SNTG2: variants seen among roughly 807,000 people sequenced by gnomAD.
SNTG2 encodes gamma-2-syntrophin.
A neutral mutation model predicts 70.9 loss-of-function variants in SNTG2; 74 were observed. That is an observed-to-expected ratio of 1.04 (90% CI 0.86 to 1.27). The LOEUF (loss-of-function observed/expected upper bound fraction) is 1.27. Ranked by LOEUF, SNTG2 falls within the 50% of genes most tolerant of loss-of-function variation. SNTG2 has a pLI of 0.00. For synonymous variants in SNTG2, 278 were observed against 273.8 expected, an observed-to-expected ratio of 1.02 and a Z score of -0.15; for missense variants, 717 against 690.7, an observed-to-expected ratio of 1.04 and a Z score of -0.43.
In SNTG2 at chr2:1,176,871, C is replaced by G. The variant is rs186856868; in HGVS notation, c.591+3688C>G. 1.4e-3 allele frequency among the ~76,000 whole-genome samples: 211 copies of G among 152,180 alleles called. 2 individuals are homozygous for G. The highest frequency in any genetic ancestry group is 5.0e-3 in the African/African-American group (206 of 41,538). ...TTGCAGAGAAATAGGAACACTTTTT[C>G]ACTGTTGGTGGGAATGTAAATTCAT... On this transcript the variant is annotated intron_variant, in intron 8 of 16. Transcript: ENST00000308624.
intron 2 of SNTG2, among the ~76,000 whole-genome samples, chr2:1,089,339 G>A (rs373164071): frequency 1.1e-3 from 171 of 152,264 alleles, no homozygotes; most frequent in African/African-American, 3.9e-3. Flanking sequence ...CAGTTTGGCC[G>A]TATTCATTAT....
At chr2:1,128,130 A>G (rs987997470) in intron 4 of SNTG2, among the ~76,000 whole-genome samples, 4 of 151,570 alleles carry the variant, frequency 2.6e-5, no homozygotes, top group Non-Finnish European at 5.9e-5. Flanking sequence ...CTATTTACTG[A>G]GAGTTTTTGT....
chr2:956,585 C>T lies in SNTG2; in HGVS notation c.72+5517C>T, dbSNP rs533198693. ...CGGAGGACCCGCTCCCCCAGGGCCC[C>T]GGCCCACCCGTGGCTGTGAATGGGC... On this transcript the variant is annotated intron_variant, in intron 1 of 16. Transcript: ENST00000308624. Among the ~76,000 whole-genome samples the T allele has an allele frequency of 1.6e-3, 237 of 152,364 alleles. 4 individuals are homozygous for T. In the South Asian group the frequency reaches 0.018, roughly 12 times the overall value.
At chr2:1,181,124 A>G (rs932708926) in intron 8 of SNTG2, among the ~76,000 whole-genome samples, 3 of 152,204 alleles carry the variant, frequency 2.0e-5, no homozygotes, top group South Asian at 4.2e-4. Flanking sequence ...GCTAAATGAC[A>G]AGTTAATGGG....
chr2:953,728 A>G (rs1660054792), intron 1 of SNTG2, among the ~76,000 whole-genome samples: 1 of 152,230 alleles, frequency 6.6e-6, no homozygotes, highest in Non-Finnish European at 1.5e-5. Flanking sequence ...TCCCCAGTAA[A>G]TATTTGAATG....
At chr2:1,267,227 C>A in intron 13 of SNTG2, 138 bp from the exon 14 acceptor site, 1 of 712,398 alleles carries the variant, frequency 1.4e-6, no homozygotes, top group Non-Finnish European at 2.4e-6. Context: ...GCTCATTGCT[C>A]TGAATTTGCC....
intron 1 of SNTG2, among the ~76,000 whole-genome samples, chr2:1,031,641 C>G (rs1660846059): frequency 6.7e-6 from 1 of 149,702 alleles, no homozygotes; most frequent in Non-Finnish European, 1.5e-5. Context: ...AGCAATTCTC[C>G]TGCCTCAGCC....
chr2:1,172,961 C>G (rs1671224065), intron 7 of SNTG2, 131 bp from the exon 8 acceptor site: 1 of 763,572 alleles, frequency 1.3e-6, no homozygotes, highest in Non-Finnish European at 2.2e-6. Flanking sequence ...GATGACCCAG[C>G]CCATAACTGG....
chr2:981,848 A>G (rs1225285141), intron 1 of SNTG2, among the ~76,000 whole-genome samples: 5 of 152,194 alleles, frequency 3.3e-5, no homozygotes, highest in Admixed American at 3.3e-4. Flanking sequence ...CATGCACGTG[A>G]ACACACACGT....
In SNTG2 at chr2:1,097,913, C is replaced by T. The variant is rs1343046183; in HGVS notation, c.211-283C>T. Among the ~76,000 whole-genome samples the T allele has an allele frequency of 6.6e-6, 1 of 151,732 alleles. No individual in the cohort carries two copies. On this transcript the variant is annotated intron_variant, in intron 2 of 16. Transcript: ENST00000308624. The surrounding 1 kb of genome is among the most constrained non-coding windows in gnomAD (Gnocchi z 4.1). The stretch of plus-strand genomic sequence containing the variant: ...CGTTTCTTCATGGAGCTCCGTTCCT[C>T]ACAAGCAGAATGCAGACGGGATGAC...
At chr2:1,309,026 C>CA (rs1219310548) in intron 15 of SNTG2, among the ~76,000 whole-genome samples, 2 of 152,214 alleles carry the variant, frequency 1.3e-5, no homozygotes, top group African/African-American at 4.8e-5. Context: ...TCCACCCCAT[C>CA]TGAGTATTCT....
intron 1 of SNTG2, among the ~76,000 whole-genome samples, chr2:1,030,096 G>A (rs1357117203): frequency 6.6e-6 from 1 of 152,106 alleles, no homozygotes; most frequent in Non-Finnish European, 1.5e-5. Flanking sequence ...TTGCCCCTTC[G>A]GAAGTGACCT....
At chr2:1,251,099 C>G (rs751721615) in intron 12 of SNTG2, among the ~76,000 whole-genome samples, 2 of 152,114 alleles carry the variant, frequency 1.3e-5, no homozygotes, top group African/African-American at 4.8e-5. Flanking sequence ...AGCGAGGACC[C>G]GAATGAGCCT....
chr2:1,043,825 A>G (rs1572285564), intron 1 of SNTG2, among the ~76,000 whole-genome samples: 1 of 152,312 alleles, frequency 6.6e-6, no homozygotes, highest in East Asian at 1.9e-4. Flanking sequence ...ACCTTGTAGT[A>G]TAGTTAGAAG....
At chr2:1,151,608 A>C (rs1193420059) in intron 6 of SNTG2, among the ~76,000 whole-genome samples, 4 of 152,156 alleles carry the variant, frequency 2.6e-5, no homozygotes, top group East Asian at 1.9e-4. Flanking sequence ...AGGAACCTTC[A>C]ATGCTTTCCT....
At chr2:1,057,608 CCA>C (rs1363578118) in intron 1 of SNTG2, among the ~76,000 whole-genome samples, 8 of 152,082 alleles carry the variant, frequency 5.3e-5, no homozygotes, top group Admixed American at 5.2e-4. Context: ...TAGATGGTGC[CCA>C]CTGAAATTAA....
In SNTG2 at chr2:952,410, A is replaced by C. The variant is rs192783056; in HGVS notation, c.72+1342A>C. Among the ~76,000 whole-genome samples the C allele has an allele frequency of 9.5e-4, 144 of 152,366 alleles. 1 individual carries two copies. The highest frequency in any genetic ancestry group is 3.1e-3 in the African/African-American group (131 of 41,588). ...ATTGTAATTATAGCGGAAGCGTTGAAGTGGATTCATCATACTTCATGATTG... is the reference window on the plus strand; with the variant it reads ...ATTGTAATTATAGCGGAAGCGTTGACGTGGATTCATCATACTTCATGATTG... On this transcript the variant is annotated intron_variant, in intron 1 of 16. Transcript: ENST00000308624.
intron 8 of SNTG2, among the ~76,000 whole-genome samples, chr2:1,201,712 A>G (rs1201662878): frequency 6.6e-6 from 1 of 151,982 alleles, no homozygotes; most frequent in African/African-American, 2.4e-5. Flanking sequence ...CATGTATCAA[A>G]GTATCACATA....
chr2:1,162,984 G>A (rs777041352), intron 6 of SNTG2, among the ~76,000 whole-genome samples: 65 of 152,310 alleles, frequency 4.3e-4, no homozygotes, highest in Non-Finnish European at 6.5e-4. Context: ...GGAGACAGCC[G>A]GCAGAAGAGG....
Sources: gnomAD v4.1 joint callset for allele counts (sites outside exome capture counted in the v4.1 genomes callset) on GRCh38, gnomAD v4.1.1 for gene constraint, Gnocchi (gnomAD v3.1) non-coding constraint, MANE v1.5 for transcripts, NCBI Gene and HGNC (gene_info 2026-07-23, HGNC 2026-07-21) for gene names.